The following FLT3 variants were observed in gnomAD, a reference collection of about 807,000 sequenced individuals.
The protein encoded by FLT3 is receptor-type tyrosine-protein kinase FLT3.
A neutral mutation model predicts 126.6 loss-of-function variants in FLT3; 46 were observed. The ratio of observed to expected loss-of-function variants is 0.36; its 90% CI spans 0.29 to 0.46. FLT3 has a LOEUF of 0.46. FLT3 is among the 20% of genes least tolerant of loss of function. The probability of loss-of-function intolerance (pLI) is 1.00; values close to 1 mark genes in which losing one functional copy is unlikely to be tolerated. For synonymous variants in FLT3, 404 were observed against 434.4 expected (o/e 0.93, Z 0.87); for missense variants, 1,069 against 1,190.3 (o/e 0.90, Z 1.50).
chr13:28,028,182 C>G lies in FLT3; in HGVS notation c.2049G>C (p.Leu683=), dbSNP rs774803367. The part of the protein sequence containing the change: ...NIVNLLGACT[L]SGPIYLIFEY... ...ATTTTCGTGGAAGTGGGTTACCTGA[C>G]AGTGTGCACGCCCCCAGCAGGTTCA... The change falls in exon 16 of 24, where the codon CTG becomes CTC. Residue 683 remains leucine, a synonymous_variant. Coordinates refer to ENST00000241453, the MANE Select transcript of FLT3 (RefSeq NM_004119.3). The G allele has an allele frequency of 9.0e-6, 14 of 1,559,526 alleles. No individual in the cohort carries two copies. Among genetic ancestry groups the G allele is most frequent in the Non-Finnish European group, 1.1e-5 (12 of 1,130,364 alleles).
At chr13:28,072,286 C>T (rs73154874) in intron 1 of FLT3, among the ~76,000 whole-genome samples, 26,854 of 151,648 alleles carry the variant, frequency 0.18, 2,440 homozygotes, top group Middle Eastern at 0.26. Context: ...CATTGTGAAA[C>T]GAATACCCCA....
chr13:28,078,917 T>C (rs1878138706), intron 1 of FLT3, among the ~76,000 whole-genome samples: 1 of 152,150 alleles, frequency 6.6e-6, no homozygotes, highest in Non-Finnish European at 1.5e-5. Context: ...TTTTACTGTG[T>C]TTGCTAGGCT....
intron 23 of FLT3, among the ~76,000 whole-genome samples, chr13:28,005,480 C>T (rs940603637): frequency 6.6e-6 from 1 of 152,176 alleles, no homozygotes; most frequent in African/African-American, 2.4e-5. Context: ...TTATACTGCT[C>T]ATATGTTGCC....
chr13:28,070,172 C>G (rs1877378681), intron 2 of FLT3, among the ~76,000 whole-genome samples: 1 of 152,202 alleles, frequency 6.6e-6, no homozygotes, highest in Admixed American at 6.5e-5. Context: ...ATATCAGGTA[C>G]TTGAGTATCC....
chr13:28,079,979 C>A (rs187876665), intron 1 of FLT3, among the ~76,000 whole-genome samples: 1 of 152,274 alleles, frequency 6.6e-6, no homozygotes, highest in East Asian at 1.9e-4. Flanking sequence ...CTTGTAGGAA[C>A]TAGTAAAATG....
intron 15 of FLT3, among the ~76,000 whole-genome samples, chr13:28,032,705 G>A (rs1873455351): frequency 6.6e-6 from 1 of 151,464 alleles, no homozygotes; most frequent in Non-Finnish European, 1.5e-5. Context: ...CTGGATGGAA[G>A]AAGATGAGCC....
rs569633137 is a variant in FLT3, at chr13:28,011,365, A to G, written c.2859+3087T>C. On this transcript the variant is annotated intron_variant, in intron 23 of 23. Coordinates refer to ENST00000241453, the MANE Select transcript of FLT3 (RefSeq NM_004119.3). ...AGGGGAGGGGAGGGGAGGGGAGGAG[A>G]GAAGATTCTACAAAACCTTTCACAG... is the stretch of plus-strand genomic sequence containing the variant. 9.9e-5 allele frequency among the ~76,000 whole-genome samples: 15 copies of G among 151,440 alleles called. No homozygotes were observed. In the East Asian group the frequency reaches 2.0e-3, roughly 20 times the overall value.
chr13:28,004,826 A>G (rs1003739679), intron 23 of FLT3, among the ~76,000 whole-genome samples: 3 of 152,314 alleles, frequency 2.0e-5, no homozygotes, highest in Middle Eastern at 3.4e-3. Context: ...TCACCCTAGA[A>G]ATCCTAAAAC....
chr13:28,052,531 T>C lies in FLT3; in HGVS notation c.614+14A>G. ...GAAATTATGAGAATAGCAGCTACCATGGATGTGTCATACCTTTCCCCCTGT... is the reference window on the plus strand; with the variant it reads ...GAAATTATGAGAATAGCAGCTACCACGGATGTGTCATACCTTTCCCCCTGT... On this transcript the variant is annotated intron_variant, in intron 5 of 23. Coordinates refer to ENST00000241453, the MANE Select transcript of FLT3 (RefSeq NM_004119.3). 1 of 1,604,908 alleles carries C rather than the reference T, an allele frequency of 6.2e-7. No homozygotes were observed. The highest frequency in any genetic ancestry group is 8.5e-7 in the Non-Finnish European group (1 of 1,176,178).
chr13:28,006,310 G>A (rs1453136567), intron 23 of FLT3, among the ~76,000 whole-genome samples: 39 of 71,416 alleles, frequency 5.5e-4, no homozygotes, highest in African/African-American at 2.1e-3. Flanking sequence ...AGAAAATTGT[G>A]TGTGTGTGTG....
At chr13:28,089,251 G>T (rs1282012644) in intron 1 of FLT3, among the ~76,000 whole-genome samples, 2 of 152,136 alleles carry the variant, frequency 1.3e-5, no homozygotes, top group African/African-American at 4.8e-5. Context: ...CACATTGTTG[G>T]GGAAAATGAC....
At position 28,028,185 on chromosome 13, in the gene FLT3, T is replaced by G. The variant is rs369333276; in HGVS notation, c.2046A>C (p.Thr682=). 4 of 1,575,034 alleles carry G rather than the reference T, an allele frequency of 2.5e-6. No homozygotes were observed. The highest frequency in any genetic ancestry group is 2.6e-6 in the Non-Finnish European group (3 of 1,144,414). The change falls in exon 16 of 24, where the codon ACA becomes ACC. Residue 682 remains threonine, a synonymous_variant. Transcript: ENST00000241453. The part of the protein sequence containing the change: ...ENIVNLLGAC[T]LSGPIYLIFE... ...TTCGTGGAAGTGGGTTACCTGACAG[T>G]GTGCACGCCCCCAGCAGGTTCACAA...
chr13:28,041,862 G>A (rs1874406480), intron 9 of FLT3, among the ~76,000 whole-genome samples: 2 of 152,090 alleles, frequency 1.3e-5, no homozygotes, highest in Admixed American at 1.3e-4. Context: ...CTAAGAAAAG[G>A]GGTTTCTTGG....
chr13:28,037,935 A>G (rs934960644), intron 9 of FLT3, among the ~76,000 whole-genome samples: 3 of 152,218 alleles, frequency 2.0e-5, no homozygotes, highest in African/African-American at 7.2e-5. Context: ...GAGATAGAAC[A>G]GTTTCATCCC....
rs1468425107 is a variant in FLT3, at chr13:28,049,514, G to C, written c.906C>G (p.Thr302=). The C allele has an allele frequency of 3.7e-6, 6 of 1,613,832 alleles. No homozygotes were observed. Among genetic ancestry groups the C allele is most frequent in the Non-Finnish European group, 5.1e-6 (6 of 1,179,820 alleles). The change falls in exon 8 of 24, where the codon ACC becomes ACG. Residue 302 remains threonine (T), a synonymous_variant. Transcript: ENST00000241453. ...LEEGNYFEMS[T]YSTNRTMIRI... ...GTATCATAGTTCTGTTTGTTGAATA[G>C]GTACTCATCTCAAAGTAGTTGCCCT...
At chr13:28,053,061 G>T (rs1425595149) in intron 4 of FLT3, among the ~76,000 whole-genome samples, 1 of 152,068 alleles carries the variant, frequency 6.6e-6, no homozygotes, top group African/African-American at 2.4e-5. Flanking sequence ...AATTTGATCT[G>T]CAACTAGGCA....
At chr13:28,029,218 C>T (rs1233422614) in intron 15 of FLT3, among the ~76,000 whole-genome samples, 1 of 152,176 alleles carries the variant, frequency 6.6e-6, no homozygotes, top group African/African-American at 2.4e-5. Flanking sequence ...TGGTGAAACC[C>T]TGTCTCTACT....
chr13:28,024,897 T>C lies in FLT3; in HGVS notation c.2254A>G (p.Ile752Val). Residue 752 changes from isoleucine (I) to valine (V), a missense_variant, in exon 18 of 24, where the codon ATC becomes GTC. Transcript: ENST00000241453. The part of the protein sequence containing the change: ...EVQIHPDSDQ[I>V]SGLHGNSFHS... ...AATGAATTCCCATGAAGCCCTGAGA[T>C]TTGATCCGAGTCCGGGTGTATCTGA... 6.2e-7 allele frequency: 1 copy of C among 1,612,542 alleles called. No individual in the cohort carries two copies. The highest frequency in any genetic ancestry group is 1.7e-5 in the Admixed American group (1 of 59,722).
At position 28,084,431 on chromosome 13, in the gene FLT3, G is replaced by T. The variant is rs556296069; in HGVS notation, c.44-13819C>A. On this transcript the variant is annotated intron_variant, in intron 1 of 23. Transcript: ENST00000241453. ...TGCAGTGGTGTGATCACGGTGTACTGCAGCCTTAACTTCCCTGGGCTCAGG... is the reference window on the plus strand; with the variant it reads ...TGCAGTGGTGTGATCACGGTGTACTTCAGCCTTAACTTCCCTGGGCTCAGG... 1.2e-3 allele frequency among the ~76,000 whole-genome samples: 179 copies of T among 152,178 alleles called. 4 individuals are homozygous for T. Among genetic ancestry groups the T allele is most frequent in the Non-Finnish European group, 1.2e-3 (85 of 68,004 alleles).
Sources: gnomAD v4.1 joint callset for allele counts (sites outside exome capture counted in the v4.1 genomes callset) on GRCh38, gnomAD v4.1.1 for gene constraint, MANE v1.5 for transcripts, NCBI Gene and HGNC (gene_info 2026-07-23, HGNC 2026-07-21) for gene names.